COL5A2: variants seen among roughly 807,000 people sequenced by gnomAD.
COL5A2 encodes collagen type V alpha 2 chain.
A neutral mutation model predicts 208.2 loss-of-function variants in COL5A2; 23 were observed. That is an observed-to-expected ratio of 0.11 (90% CI 0.08 to 0.16). The LOEUF is 0.16. Among genes scored for constraint, COL5A2 ranks in the 10% least tolerant of loss-of-function variants. The pLI is 1.00. For synonymous variants in COL5A2, 625 were observed against 628.5 expected (o/e 0.99, Z 0.08); for missense variants, 1,590 against 1,956.4 (o/e 0.81, Z 3.53).
the COL5A2 span, among the ~76,000 whole-genome samples, chr2:189,328,320 C>A: frequency 6.6e-6 from 1 of 152,156 alleles, no homozygotes; most frequent in Admixed American, 6.5e-5. Flanking sequence ...TCAAAAGTTA[C>A]AAGTCCAAAG....
At chr2:189,316,506 A>G in the COL5A2 span, among the ~76,000 whole-genome samples, 2 of 152,088 alleles carry the variant, frequency 1.3e-5, no homozygotes, top group African/African-American at 4.8e-5. Flanking sequence ...GAAAAAAATT[A>G]AAATGTAAAA....
At position 189,039,512 on chromosome 2, in the gene COL5A2, G is replaced by T; in HGVS notation, c.3685C>A (p.Leu1229Ile). The T allele has an allele frequency of 6.2e-7, 1 of 1,614,048 alleles. No individual in the cohort carries two copies. Among genetic ancestry groups the T allele is most frequent in the Non-Finnish European group, 8.5e-7 (1 of 1,180,022 alleles). ...ATGATATCCCCAAGAGCAGCTGTAA[G>T]GTGGCCAGGGGGACCCGGAGGGCCA... ...PPGPPGPPGH[L>I]TAALGDIMGH... is the part of the protein sequence containing the mutation. The change falls in exon 51 of 54, where the codon CTT (leucine) becomes ATT (isoleucine). Residue 1229 changes from leucine to isoleucine, a missense_variant. By Grantham distance (5) the Leu-to-Ile change is conservative. Transcript: ENST00000374866.
the COL5A2 span, among the ~76,000 whole-genome samples, chr2:189,438,237 G>C: frequency 6.7e-6 from 1 of 150,368 alleles, no homozygotes; most frequent in Admixed American, 6.6e-5. Flanking sequence ...AGGGTGTAAA[G>C]TAACTAAAAC....
Position 189,033,814 on chromosome 2 carries a change from G to T in COL5A2, c.*256C>A. The T allele has an allele frequency of 1.9e-6, 1 of 521,142 alleles. No homozygotes were observed. Among genetic ancestry groups the T allele is most frequent in the Non-Finnish European group, 3.4e-6 (1 of 290,248 alleles). 32.3% of individuals were successfully genotyped at this position (521,142 alleles called of 1,614,324 possible). ...AATCAGTTTACTTTCTGCAAAGGTG[G>T]TCATTGTCATTGGTCATCTTAAACC... On this transcript the variant is annotated 3_prime_UTR_variant, in exon 54 of 54. Transcript: ENST00000374866.
chr2:189,227,807 CAGA>C (rs1689438589), upstream of COL5A2, among the ~76,000 whole-genome samples: 1 of 151,812 alleles, frequency 6.6e-6, no homozygotes, highest in African/African-American at 2.4e-5. Flanking sequence ...AATATCCAGA[CAGA>C]AGATTAATAA....
chr2:189,180,474 T>C (rs1167230114), upstream of COL5A2, among the ~76,000 whole-genome samples: 3 of 152,190 alleles, frequency 2.0e-5, no homozygotes, highest in Admixed American at 1.3e-4. Context: ...AATAGTCTAC[T>C]AAGCAGTGCA....
chr2:189,438,977 C>T, the COL5A2 span, among the ~76,000 whole-genome samples: 4 of 152,146 alleles, frequency 2.6e-5, no homozygotes, highest in Non-Finnish European at 5.9e-5. Flanking sequence ...TCCAGCCACA[C>T]TGGCCTCTTG....
the COL5A2 span, among the ~76,000 whole-genome samples, chr2:189,403,934 T>C: frequency 6.6e-6 from 1 of 152,034 alleles, no homozygotes; most frequent in African/African-American, 2.4e-5. Flanking sequence ...GGTTTCACCA[T>C]GTTGGCCAGG....
rs868438945 is a variant in COL5A2 at position 189,160,414 on chromosome 2, C to G, written c.97+19094G>C. On this transcript the variant is annotated intron_variant, in intron 1 of 53. Transcript: ENST00000374866. ...TCTATATCTTGGGCAATCTTTATCC[C>G]CCCTTTTTTTCTATCTTCAACATCT... Among the ~76,000 whole-genome samples the G allele has an allele frequency of 1.6e-4, 24 of 152,178 alleles. No homozygotes were observed. The Middle Eastern group carries it at 0.01, about 65-fold the overall frequency.
chr2:189,039,712 G>C, intron 50 of COL5A2, 149 bp from the exon 51 acceptor site: 1 of 701,720 alleles, frequency 1.4e-6, no homozygotes, highest in South Asian at 1.9e-5. Context: ...AACTAGATGG[G>C]GGTGGTCTAA....
At chr2:189,297,064 T>C in the COL5A2 span, among the ~76,000 whole-genome samples, 5 of 152,314 alleles carry the variant, frequency 3.3e-5, no homozygotes, top group Admixed American at 2.6e-4. Flanking sequence ...AAAAGCCATA[T>C]AAACGTTGAT....
chr2:189,378,198 A>G, the COL5A2 span, among the ~76,000 whole-genome samples: 1 of 152,212 alleles, frequency 6.6e-6, no homozygotes, highest in Non-Finnish European at 1.5e-5. Context: ...CATATCTATT[A>G]TATCTTAACT....
intron 48 of COL5A2, 53 bp downstream of exon 48, chr2:189,043,098 T>C: frequency 2.4e-6 from 3 of 1,270,270 alleles, no homozygotes; most frequent in Non-Finnish European, 3.4e-6. Context: ...CGTGTCAAGA[T>C]ACCCGTGTAT....
chr2:189,140,574 AAG>A (rs1184210992), intron 1 of COL5A2, among the ~76,000 whole-genome samples: 1 of 152,202 alleles, frequency 6.6e-6, no homozygotes, highest in Non-Finnish European at 1.5e-5. Flanking sequence ...GAAAGGAAGA[AAG>A]AGAATAGGGA....
At chr2:189,229,106 T>C (rs1366298348), upstream of COL5A2, among the ~76,000 whole-genome samples, 3 of 151,726 alleles carry the variant, frequency 2.0e-5, no homozygotes, top group African/African-American at 7.2e-5. Flanking sequence ...CAAAAGTCAA[T>C]ATCCTTTCAG....
At chr2:189,210,571 A>C (rs541727200) in intron 1 of COL5A2, among the ~76,000 whole-genome samples, 21 of 152,336 alleles carry the variant, frequency 1.4e-4, no homozygotes, top group Non-Finnish European at 2.6e-4. Flanking sequence ...CAAAACAAAA[A>C]CCAAAAACTT....
the COL5A2 span, among the ~76,000 whole-genome samples, chr2:189,421,828 T>C: frequency 1.3e-5 from 2 of 152,126 alleles, no homozygotes; most frequent in African/African-American, 4.8e-5. Flanking sequence ...GTCTTAGCAA[T>C]GTACCAGCCT....
chr2:189,216,772 A>G (rs1689283937), intron 1 of COL5A2, among the ~76,000 whole-genome samples: 1 of 152,174 alleles, frequency 6.6e-6, no homozygotes, highest in African/African-American at 2.4e-5. Flanking sequence ...AGTAGTAACT[A>G]AATAAGTTTA....
intron 1 of COL5A2, among the ~76,000 whole-genome samples, chr2:189,147,083 A>G (rs1041146519): frequency 6.6e-6 from 1 of 152,210 alleles, no homozygotes; most frequent in Non-Finnish European, 1.5e-5. Context: ...AAATTGTATT[A>G]TTGGGGTAAT....
Sources: gnomAD v4.1 joint callset for allele counts (sites outside exome capture counted in the v4.1 genomes callset) on GRCh38, gnomAD v4.1.1 for gene constraint, MANE v1.5 for transcripts, NCBI Gene and HGNC (gene_info 2026-07-23, HGNC 2026-07-21) for gene names.